BMAL1: variants seen among roughly 807,000 people sequenced by gnomAD.
BMAL1 encodes the protein basic helix-loop-helix ARNT-like protein 1.
At chr11:13,386,885 G>A in the BMAL1 span, 10 of 1,103,118 alleles carry the variant, frequency 9.1e-6, no homozygotes, top group Non-Finnish European at 1.2e-5. Context: ...AGCCATCTCA[G>A]AGCCATTGAT....
At chr11:13,284,128 G>A in the BMAL1 span, among the ~76,000 whole-genome samples, 29,836 of 58,150 alleles carry the variant, frequency 0.51, 7,456 homozygotes, top group East Asian at 0.73. Flanking sequence ...ATGTGTGTGT[G>A]TATATATATA....
At chr11:13,314,670 G>C in the BMAL1 span, among the ~76,000 whole-genome samples, 1 of 152,134 alleles carries the variant, frequency 6.6e-6, no homozygotes, top group Admixed American at 6.5e-5. Context: ...CTTGGTCCTG[G>C]ATGAATCCCA....
the BMAL1 span, among the ~76,000 whole-genome samples, chr11:13,286,082 A>G: frequency 1.3e-5 from 2 of 152,220 alleles, no homozygotes; most frequent in Non-Finnish European, 1.5e-5. Flanking sequence ...ATAAGAAACA[A>G]TGAAGTAAAT....
At chr11:13,346,910 A>C in the BMAL1 span, among the ~76,000 whole-genome samples, 2 of 152,152 alleles carry the variant, frequency 1.3e-5, no homozygotes, top group African/African-American at 4.8e-5. Flanking sequence ...TCTCAAAGGC[A>C]CCTCTGTTGG....
chr11:13,356,838 A>G, the BMAL1 span: 1 of 1,613,050 alleles, frequency 6.2e-7, no homozygotes, highest in Non-Finnish European at 8.5e-7. Context: ...TTGCACTGTT[A>G]CACATTCTGT....
the BMAL1 span, chr11:13,366,874 C>T: frequency 9.4e-6 from 8 of 849,860 alleles, no homozygotes; most frequent in South Asian, 1.7e-5. Context: ...GTGATGGGCT[C>T]AGCCTTTCCA....
At chr11:13,386,566 T>C in the BMAL1 span, 5 of 1,538,862 alleles carry the variant, frequency 3.2e-6, no homozygotes, top group Non-Finnish European at 2.6e-6. Context: ...AAAAAAGAAA[T>C]CACTGACCAG....
chr11:13,346,939 G>A, the BMAL1 span, among the ~76,000 whole-genome samples: 1 of 152,252 alleles, frequency 6.6e-6, no homozygotes, highest in Non-Finnish European at 1.5e-5. Flanking sequence ...CCTTTTGGAA[G>A]TAGCCCAGAA....
chr11:13,353,788 T>G, the BMAL1 span, among the ~76,000 whole-genome samples: 1 of 152,142 alleles, frequency 6.6e-6, no homozygotes, highest in Non-Finnish European at 1.5e-5. Flanking sequence ...ATTGCACCAC[T>G]GCACTCCAGC....
At chr11:13,385,659 A>G in the BMAL1 span, 29 of 1,555,252 alleles carry the variant, frequency 1.9e-5, no homozygotes, top group Non-Finnish European at 2.3e-5. Context: ...TACTGATTCA[A>G]ACTTCACACT....
chr11:13,292,783 C>T, the BMAL1 span, among the ~76,000 whole-genome samples: 2 of 152,110 alleles, frequency 1.3e-5, no homozygotes, highest in African/African-American at 4.8e-5. Context: ...TAACACATGG[C>T]TTCCATTTGA....
the BMAL1 span, among the ~76,000 whole-genome samples, chr11:13,287,328 C>T: frequency 6.6e-6 from 1 of 152,100 alleles, no homozygotes; most frequent in Admixed American, 6.6e-5. Context: ...ATGGTGTGTT[C>T]CTTTTTTTCC....
At chr11:13,365,344 T>C in the BMAL1 span, 3 of 511,082 alleles carry the variant, frequency 5.9e-6, no homozygotes, top group African/African-American at 2.0e-5. Context: ...TTCAGAGACG[T>C]TTGTTTTCAG....
the BMAL1 span, among the ~76,000 whole-genome samples, chr11:13,348,904 T>A: frequency 6.6e-6 from 1 of 152,188 alleles, no homozygotes; most frequent in Non-Finnish European, 1.5e-5. Context: ...AATTAGCCAG[T>A]GGAATTTGAA....
the BMAL1 span, among the ~76,000 whole-genome samples, chr11:13,344,700 C>A: frequency 1.3e-5 from 2 of 152,138 alleles, no homozygotes; most frequent in Non-Finnish European, 2.9e-5. Flanking sequence ...CCATGGAGGT[C>A]GGACAGGACT....
At chr11:13,369,469 G>A in the BMAL1 span, 1 of 889,274 alleles carries the variant, frequency 1.1e-6, no homozygotes, top group Non-Finnish European at 1.7e-6. Context: ...TGCTGCATCT[G>A]TTAAAGCCTA....
chr11:13,382,022 T>G, the BMAL1 span, among the ~76,000 whole-genome samples: 1 of 152,086 alleles, frequency 6.6e-6, no homozygotes, highest in Admixed American at 6.6e-5. Context: ...GCAGGACTCC[T>G]AGGGCACAAA....
At chr11:13,358,622 T>C in the BMAL1 span, 1 of 1,518,306 alleles carries the variant, frequency 6.6e-7, no homozygotes, top group Non-Finnish European at 8.8e-7. Context: ...GTCCTTTATG[T>C]CCTTGCCCAC....
the BMAL1 span, among the ~76,000 whole-genome samples, chr11:13,340,974 C>T: frequency 1.3e-5 from 2 of 152,212 alleles, no homozygotes; most frequent in African/African-American, 2.4e-5. Context: ...CCTAACTTGC[C>T]TAGGACATGC....
Sources: allele counts gnomAD v4.1 joint callset (sites outside exome capture counted in the v4.1 genomes callset), GRCh38; gene constraint gnomAD v4.1.1; transcripts MANE v1.5; gene names NCBI Gene and HGNC (gene_info 2026-07-23, HGNC 2026-07-21).